Variants in LMCD1 observed in about 807,000 individuals in gnomAD.
LMCD1 encodes LIM and cysteine rich domains 1.
LMCD1 carries 32 observed loss-of-function variants against 42.7 expected under a neutral mutation model. The observed-to-expected ratio is 0.75, with a 90% CI of 0.57 to 1.01. The LOEUF is 1.01. LMCD1 is among the 50% of genes least tolerant of loss of function. LMCD1 has a pLI of 0.00. For synonymous variants in LMCD1, 178 were observed against 184.9 expected, an observed-to-expected ratio of 0.96 and a Z score of 0.30; for missense variants, 458 against 483.1, an observed-to-expected ratio of 0.95 and a Z score of 0.49.
At chr3:8,566,685 A>AT (rs572783327) in intron 5 of LMCD1, among the ~76,000 whole-genome samples, 173 of 152,254 alleles carry the variant, frequency 1.1e-3, no homozygotes, top group African/African-American at 4.0e-3. Flanking sequence ...GATAAGCATG[A>AT]TTTTTTCTCA....
At chr3:8,540,665 C>T (rs1694605870) in intron 3 of LMCD1, among the ~76,000 whole-genome samples, 1 of 152,158 alleles carries the variant, frequency 6.6e-6, no homozygotes, top group South Asian at 2.1e-4. Context: ...CTATCATGAA[C>T]AGGAAGCAGC....
intron 3 of LMCD1, among the ~76,000 whole-genome samples, chr3:8,545,407 G>T (rs1255952267): frequency 1.3e-5 from 2 of 152,116 alleles, no homozygotes; most frequent in Non-Finnish European, 2.9e-5. Context: ...GCTCATTTAG[G>T]CATCTCTCAG....
intron 3 of LMCD1, among the ~76,000 whole-genome samples, chr3:8,546,963 G>A (rs536280937): frequency 1.3e-5 from 2 of 152,296 alleles, no homozygotes; most frequent in East Asian, 3.9e-4. Context: ...TGGTGATAGA[G>A]GCAAACTAGT....
chr3:8,555,782 G>A lies in LMCD1; in HGVS notation c.723+6879G>A, dbSNP rs1483231116. Among the ~76,000 whole-genome samples the A allele has an allele frequency of 3.0e-5, 4 of 133,058 alleles. No homozygotes were observed. The Admixed American group carries it at 3.1e-4, about 10-fold the overall frequency. 87.3% of individuals were successfully genotyped at this position (133,058 alleles called of 152,430 possible). On this transcript the variant is annotated intron_variant, in intron 4 of 5. Transcript: ENST00000157600. ...ATTCCATTGATTAAAACAGGGATTGGTAAACTTTTTCTGTACAGGGCATAT... is the reference window on the plus strand; with the variant it reads ...ATTCCATTGATTAAAACAGGGATTGATAAACTTTTTCTGTACAGGGCATAT...
chr3:8,532,590 G>C, intron 1 of LMCD1, 147 bp from the exon 2 acceptor site: 2 of 682,646 alleles, frequency 2.9e-6, no homozygotes, highest in East Asian at 2.6e-5. Flanking sequence ...CTCAGTTCCC[G>C]GTAAACAGTT....
chr3:8,503,061 C>G (rs570500982), intron 1 of LMCD1, among the ~76,000 whole-genome samples: 66 of 152,298 alleles, frequency 4.3e-4, no homozygotes, highest in African/African-American at 1.5e-3. Flanking sequence ...TAGGCCTAAC[C>G]TCCCTCATGG....
Position 8,557,026 on chromosome 3 carries a change from CTG to C in LMCD1, c.723+8124_723+8125del, listed in dbSNP as rs140045363. 5.5e-3 allele frequency among the ~76,000 whole-genome samples: 843 copies of C among 152,252 alleles called. 5 individuals are homozygous for C. The highest frequency in any genetic ancestry group is 6.9e-3 in the Non-Finnish European group (470 of 68,026). On this transcript the variant is annotated intron_variant, in intron 4 of 5. Transcript: ENST00000157600. ...CCACGATGTGCTACAGATGAGAAAA[CTG>C]AGGTTCAGAGGGTTGGATGATTTTT...
At chr3:8,529,145 C>T (rs1574956450) in intron 1 of LMCD1, among the ~76,000 whole-genome samples, 1 of 152,308 alleles carries the variant, frequency 6.6e-6, no homozygotes, top group Middle Eastern at 3.4e-3. Context: ...GAGTATCTCA[C>T]TTGGGACTGT....
intron 1 of LMCD1, among the ~76,000 whole-genome samples, chr3:8,506,475 T>A (rs1436861820): frequency 2.6e-5 from 4 of 152,140 alleles, no homozygotes; most frequent in African/African-American, 9.7e-5. Flanking sequence ...CCTTCCGCCC[T>A]TACGCAGGCC....
rs1695160507 is a variant in LMCD1, at chr3:8,568,190, A to G, written c.*592A>G. 1 of 152,292 alleles carries G rather than the reference A, an allele frequency of 6.6e-6. No homozygotes were observed. The highest frequency in any genetic ancestry group is 1.5e-5 in the Non-Finnish European group (1 of 68,066). The allele number at this position is 152,292 out of a possible 1,614,324, so 9.4% of individuals were successfully genotyped here. ...AACACCCAGTGCTGGCAGAAAATAT[A>G]GTAAAATACTAATGAGCCTCTCTAT... On this transcript the variant is annotated 3_prime_UTR_variant, in exon 6 of 6. Coordinates refer to ENST00000157600, the MANE Select transcript of LMCD1 (RefSeq NM_014583.4).
At chr3:8,507,442 A>G (rs895432346) in intron 1 of LMCD1, among the ~76,000 whole-genome samples, 1 of 152,216 alleles carries the variant, frequency 6.6e-6, no homozygotes, top group Non-Finnish European at 1.5e-5. Flanking sequence ...TCCTTGTCTC[A>G]TATCTGCTCT....
chr3:8,502,239 T>C (rs1182775515), intron 1 of LMCD1, among the ~76,000 whole-genome samples: 1 of 110,828 alleles, frequency 9.0e-6, no homozygotes, highest in African/African-American at 3.4e-5. Flanking sequence ...TTTACATATA[T>C]ATACAATATA....
intron 1 of LMCD1, among the ~76,000 whole-genome samples, chr3:8,521,977 A>AC (rs1232869042): frequency 6.6e-6 from 1 of 151,876 alleles, no homozygotes; most frequent in Non-Finnish European, 1.5e-5. Context: ...CCATCACCCA[A>AC]CCCCTCAAAA....
rs1041701295 is a variant in LMCD1, at chr3:8,537,226, G to A, written c.173G>A (p.Cys58Tyr). 6.2e-7 allele frequency: 1 copy of A among 1,614,144 alleles called. No individual in the cohort carries two copies. Among genetic ancestry groups the A allele is most frequent in the Non-Finnish European group, 8.5e-7 (1 of 1,180,020 alleles). Residue 58 changes from cysteine to tyrosine, a missense_variant, in exon 3 of 6, where the codon TGC (cysteine) becomes TAC (tyrosine). Physicochemically the swap from Cys to Tyr is radical, Grantham distance 194 (BLOSUM62 -2). Coordinates refer to ENST00000157600, the MANE Select transcript of LMCD1 (RefSeq NM_014583.4). ...KSCKCSQEDH[C>Y]LTSDLEDDRK... ...TGCAAATGCAGCCAAGAGGACCACT[G>A]CCTAACATCTGACCTAGAAGACGAT...
intron 2 of LMCD1, 105 bp from the exon 3 acceptor site, chr3:8,537,080 C>A: frequency 7.5e-7 from 1 of 1,339,098 alleles, no homozygotes; most frequent in Non-Finnish European, 1.0e-6. Flanking sequence ...GTTTTTCCAA[C>A]TTAAAGTTTT....
chr3:8,532,964 T>C, intron 2 of LMCD1, 139 bp downstream of exon 2: 1 of 696,676 alleles, frequency 1.4e-6, no homozygotes, highest in African/African-American at 1.8e-5. Context: ...GGGAAGGCAC[T>C]CCTGCTTGGT....
chr3:8,519,520 C>G (rs535018359), intron 1 of LMCD1, among the ~76,000 whole-genome samples: 1 of 151,972 alleles, frequency 6.6e-6, no homozygotes, highest in South Asian at 2.1e-4. Context: ...CGTGAAGGAC[C>G]GTTCACTAGT....
chr3:8,502,347 A>AATATATAATATATATTATATATATT (rs1693761770), intron 1 of LMCD1, among the ~76,000 whole-genome samples: 2 of 22,228 alleles, frequency 9.0e-5, no homozygotes, highest in African/African-American at 3.8e-4. Flanking sequence ...TTATATATAA[A>AATATATAATATATATTATATATATT]ATATATAATA....
At chr3:8,538,256 C>T (rs1207052580) in intron 3 of LMCD1, among the ~76,000 whole-genome samples, 1 of 152,172 alleles carries the variant, frequency 6.6e-6, no homozygotes, top group African/African-American at 2.4e-5. Context: ...CAGAATGCAT[C>T]CAGCAAGTTC....
Sources: gnomAD v4.1 joint callset for allele counts (sites outside exome capture counted in the v4.1 genomes callset) on GRCh38, gnomAD v4.1.1 for gene constraint, MANE v1.5 for transcripts, NCBI Gene and HGNC (gene_info 2026-07-23, HGNC 2026-07-21) for gene names.